SESN2: variants seen among roughly 807,000 people sequenced by gnomAD.
The protein encoded by SESN2 is sestrin-2.
SESN2 carries 42 observed loss-of-function variants against 56.0 expected under a neutral mutation model. The ratio of observed to expected loss-of-function variants is 0.75; its 90% confidence interval spans 0.59 to 0.97. The LOEUF is 0.97. Ranked by LOEUF, SESN2 falls within the 50% of genes least tolerant of loss-of-function variation. The pLI, the probability that SESN2 is intolerant of heterozygous loss-of-function variation, is 0.00. For missense variants in SESN2, 507 were observed against 649.4 expected (o/e 0.78, Z 2.38); for synonymous variants, 264 against 267.1 (o/e 0.99, Z 0.11).
Position 28,274,888 on chromosome 1 carries a change from C to T in SESN2, c.1084C>T (p.Leu362=). Residue 362 remains leucine (L), a synonymous_variant, in exon 8 of 10, where the codon CTG becomes TTG. Transcript: ENST00000253063. Reference sequence around the variant, plus strand: ...GCGGCTTTACCCTGAGGGTGGGCAGCTGCTGGATGAGAAGTTCCAGGCAGC... The same window carrying T: ...GCGGCTTTACCCTGAGGGTGGGCAGTTGCTGGATGAGAAGTTCCAGGCAGC... The part of the protein sequence containing the change: ...IQRLYPEGGQ[L]LDEKFQAAYS... 1.2e-6 allele frequency: 2 copies of T among 1,614,204 alleles called. No homozygotes were observed. Among genetic ancestry groups the T allele is most frequent in the Middle Eastern group, 1.7e-4 (1 of 6,060 alleles).
chr1:28,260,156 CTCCCTCCCTCTCCCCCTCT>C (rs1323772245), intron 1 of SESN2, among the ~76,000 whole-genome samples: 6 of 149,242 alleles, frequency 4.0e-5, no homozygotes, highest in Non-Finnish European at 7.5e-5. Flanking sequence ...TCTCCCCCTC[CTCCCTCCCTCTCCCCCTCT>C]CCCTCACCGC....
intron 8 of SESN2, among the ~76,000 whole-genome samples, chr1:28,277,448 T>G (rs953087177): frequency 2.0e-5 from 3 of 152,114 alleles, no homozygotes; most frequent in Admixed American, 1.3e-4. Context: ...ACTCCTCACC[T>G]CAAGCTATCC....
intron 2 of SESN2, among the ~76,000 whole-genome samples, chr1:28,270,058 A>C (rs1229911184): frequency 1.3e-5 from 2 of 152,212 alleles, no homozygotes; most frequent in Non-Finnish European, 2.9e-5. Context: ...AACAAGGACA[A>C]ATTTTTTGTT....
intron 8 of SESN2, among the ~76,000 whole-genome samples, chr1:28,276,570 CT>C (rs57474365): frequency 6.5e-3 from 616 of 94,710 alleles, no homozygotes; most frequent in African/African-American, 0.021. Context: ...TTTTTCTTTC[CT>C]TTTTTTTTTT....
chr1:28,279,745 CTG>C (rs1314677877), intron 9 of SESN2, among the ~76,000 whole-genome samples: 2 of 151,984 alleles, frequency 1.3e-5, no homozygotes, highest in Non-Finnish European at 2.9e-5. Context: ...CGGGGTTTCA[CTG>C]TGTTAGCCAG....
At chr1:28,260,714 C>G (rs990753615) in intron 1 of SESN2, among the ~76,000 whole-genome samples, 11 of 151,944 alleles carry the variant, frequency 7.2e-5, no homozygotes, top group East Asian at 1.9e-4. Flanking sequence ...TCCACCCCCC[C>G]GCATTCGCAT....
rs1387283845 is a variant in SESN2 at position 28,274,152 on chromosome 1, G to C, written c.1014G>C (p.Arg338=). The change falls in exon 7 of 10, where the codon CGG becomes CGC. Residue 338 remains arginine (R), a synonymous_variant. Transcript: ENST00000253063. ...GGGCTCAGGCACCCCCTACCTTCCG[G>C]GCCCAGGTAGGGCTCTCTCTACTAG... The part of the protein sequence containing the change: ...RRGAQAPPTF[R]AQDYTWEDHG... 3 of 1,596,360 alleles carry C rather than the reference G, an allele frequency of 1.9e-6. No homozygotes were observed. The African/African-American group carries it at 4.0e-5, about 21-fold the overall frequency.
At chr1:28,261,904 C>A (rs1205438321) in intron 1 of SESN2, among the ~76,000 whole-genome samples, 1 of 151,870 alleles carries the variant, frequency 6.6e-6, no homozygotes, top group African/African-American at 2.4e-5. Flanking sequence ...CCTCAGCCTC[C>A]CTAGTAGTTG....
chr1:28,266,746 A>C (rs972521751), intron 1 of SESN2, among the ~76,000 whole-genome samples: 1 of 152,002 alleles, frequency 6.6e-6, no homozygotes, highest in Non-Finnish European at 1.5e-5. Flanking sequence ...TTGTGGAGAC[A>C]GGGGTCTCAC....
At position 28,259,810 on chromosome 1, in the gene SESN2, G is replaced by A; in HGVS notation, c.-38G>A. 2.2e-6 allele frequency: 3 copies of A among 1,360,760 alleles called. No individual in the cohort carries two copies. In the South Asian group the frequency reaches 5.0e-5, roughly 23 times the overall value. 84.3% of individuals were successfully genotyped at this position (1,360,760 alleles called of 1,614,324 possible). A position where few individuals can be genotyped will look rare whatever the true frequency, so the allele number is the denominator to read the frequency against. On this transcript the variant is annotated 5_prime_UTR_variant, in exon 1 of 10. Transcript: ENST00000253063. ...CCTCCGAAACCCACTCGGGTGCACG[G>A]GTCGTCGGCGAGCCGCGACCGGGTC... is the stretch of plus-strand genomic sequence containing the variant.
At chr1:28,261,348 C>T (rs1647370290) in intron 1 of SESN2, among the ~76,000 whole-genome samples, 2 of 152,144 alleles carry the variant, frequency 1.3e-5, no homozygotes, top group Non-Finnish European at 2.9e-5. Flanking sequence ...ATTGAGAACA[C>T]CTGAACACTA....
intron 2 of SESN2, among the ~76,000 whole-genome samples, chr1:28,269,749 A>G (rs1557732266): frequency 6.6e-6 from 1 of 152,322 alleles, no homozygotes; most frequent in South Asian, 2.1e-4. Context: ...ACTTACTTTC[A>G]GTACAGAACC....
In SESN2 at chr1:28,280,898, C is replaced by T; in HGVS notation, c.*96C>T. The T allele has an allele frequency of 1.1e-6, 1 of 912,010 alleles. No homozygotes were observed. The highest frequency in any genetic ancestry group is 1.8e-6 in the Non-Finnish European group (1 of 564,262). 56.5% of individuals were successfully genotyped at this position (912,010 alleles called of 1,614,324 possible). A position where few individuals can be genotyped will look rare whatever the true frequency, so the allele number is the denominator to read the frequency against. ...CTTTTGTGTCCCATGCCCACCCTCC[C>T]CACGCTGCAGTGGGCTTGTGTGTGA... On this transcript the variant is annotated 3_prime_UTR_variant, in exon 10 of 10. Transcript: ENST00000253063.
intron 8 of SESN2, among the ~76,000 whole-genome samples, chr1:28,276,897 T>A (rs1312708258): frequency 3.0e-4 from 40 of 133,974 alleles, no homozygotes; most frequent in African/African-American, 8.7e-4. Context: ...TTTTTTTTTT[T>A]AATTTATTTA....
At chr1:28,276,826 G>A (rs530421409) in intron 8 of SESN2, among the ~76,000 whole-genome samples, 56 of 148,796 alleles carry the variant, frequency 3.8e-4, no homozygotes, top group African/African-American at 1.2e-3. Flanking sequence ...TGATCTGCCC[G>A]CCTCAGCCTC....
Position 28,278,824 on chromosome 1 carries a change from TGTAGA to T in SESN2, c.1212-268_1212-264del, listed in dbSNP as rs144864950. ...CACCATCCAGTCATGTACACAGTAGTGTAGAGTAGTTTTGAGGATTCCACATGGCA... is the reference window on the plus strand; with the variant it reads ...CACCATCCAGTCATGTACACAGTAGTGTAGTTTTGAGGATTCCACATGGCA... On this transcript the variant is annotated intron_variant, in intron 8 of 9. Transcript: ENST00000253063. 4.8e-3 allele frequency among the ~76,000 whole-genome samples: 725 copies of T among 152,336 alleles called. 7 individuals are homozygous for T. The highest frequency in any genetic ancestry group is 0.017 in the African/African-American group (693 of 41,568).
At position 28,280,858 on chromosome 1, in the gene SESN2, A is replaced by T. The variant is rs917436163; in HGVS notation, c.*56A>T. 8.5e-5 allele frequency: 113 copies of T among 1,333,292 alleles called. No homozygotes were observed. Among genetic ancestry groups the T allele is most frequent in the Non-Finnish European group, 1.1e-4 (105 of 929,826 alleles). 82.6% of individuals were successfully genotyped at this position (1,333,292 alleles called of 1,614,324 possible). On this transcript the variant is annotated 3_prime_UTR_variant, in exon 10 of 10. Transcript: ENST00000253063. ...TCCCCACAAGGACTTCTCTGTCTGGAGACAGCCCCAGACCCTTTTGTGTCC... is the reference window on the plus strand; with the variant it reads ...TCCCCACAAGGACTTCTCTGTCTGGTGACAGCCCCAGACCCTTTTGTGTCC...
At chr1:28,265,377 C>T (rs1647521317) in intron 1 of SESN2, among the ~76,000 whole-genome samples, 2 of 152,054 alleles carry the variant, frequency 1.3e-5, no homozygotes, top group African/African-American at 4.8e-5. Flanking sequence ...AATGCTGGTC[C>T]CCCTAGTTTT....
In SESN2 at chr1:28,274,528, CAA is replaced by C. The variant is rs111581518; in HGVS notation, c.1021-285_1021-284del. 9.2e-3 allele frequency among the ~76,000 whole-genome samples: 1,241 copies of C among 135,084 alleles called. 10 individuals carry two copies. The highest frequency in any genetic ancestry group is 0.031 in the South Asian group (132 of 4,272). 88.6% of individuals were successfully genotyped at this position (135,084 alleles called of 152,430 possible). A position where few individuals can be genotyped will look rare whatever the true frequency, so the allele number is the denominator to read the frequency against. Reference sequence around the variant, plus strand: ...CCTGGGTGACAGCAAGATCCTGTCTCAAAAAAAAAAAAACAGAGTTGGGTACG... The same window carrying C: ...CCTGGGTGACAGCAAGATCCTGTCTCAAAAAAAAAAACAGAGTTGGGTACG... On this transcript the variant is annotated intron_variant, in intron 7 of 9. Coordinates refer to ENST00000253063, the MANE Select transcript of SESN2 (RefSeq NM_031459.5).
Sources: gnomAD v4.1 joint callset for allele counts (sites outside exome capture counted in the v4.1 genomes callset) on GRCh38, gnomAD v4.1.1 for gene constraint, MANE v1.5 for transcripts, NCBI Gene and HGNC (gene_info 2026-07-23, HGNC 2026-07-21) for gene names.